ELMO1: variants seen among roughly 807,000 people sequenced by gnomAD.
ELMO1 encodes engulfment and cell motility protein 1.
A neutral mutation model predicts 98.9 loss-of-function variants in ELMO1; 26 were observed. The observed-to-expected ratio is 0.26, with a 90% CI of 0.19 to 0.36. The LOEUF (loss-of-function observed/expected upper bound fraction) is 0.36, where lower values mean the gene tolerates loss of function less well. Ranked by LOEUF, ELMO1 falls within the 10% of genes least tolerant of loss-of-function variation. The pLI is 1.00. For synonymous variants in ELMO1, 346 were observed against 346.0 expected, an observed-to-expected ratio of 1.00 and a Z score of 0.00; for missense variants, 627 against 935.2, an observed-to-expected ratio of 0.67 and a Z score of 4.30.
chr7:37,398,214 C>T (rs1803377314), intron 1 of ELMO1, among the ~76,000 whole-genome samples: 2 of 152,246 alleles, frequency 1.3e-5, no homozygotes, highest in South Asian at 2.1e-4. Context: ...TTCATTATGA[C>T]TGTTGTGAGA....
At chr7:37,185,497 G>A (rs1359068433) in intron 13 of ELMO1, among the ~76,000 whole-genome samples, 1 of 152,048 alleles carries the variant, frequency 6.6e-6, no homozygotes, top group Non-Finnish European at 1.5e-5. Flanking sequence ...TAGTGGGCAT[G>A]GTAAACCCAC....
chr7:37,413,371 T>G (rs1018682550), intron 1 of ELMO1, among the ~76,000 whole-genome samples: 6 of 152,188 alleles, frequency 3.9e-5, no homozygotes, highest in African/African-American at 1.4e-4. Context: ...CTGACCAGAC[T>G]GAAAGACCAG....
chr7:37,441,955 G>A (rs1805431436), intron 1 of ELMO1, among the ~76,000 whole-genome samples: 1 of 152,176 alleles, frequency 6.6e-6, no homozygotes, highest in South Asian at 2.1e-4. Flanking sequence ...GAAAACTGGG[G>A]CACTTATAAC....
intron 1 of ELMO1, among the ~76,000 whole-genome samples, chr7:37,436,966 A>G (rs920561636): frequency 6.6e-6 from 1 of 152,242 alleles, no homozygotes; most frequent in African/African-American, 2.4e-5. Flanking sequence ...CTCAGATTAA[A>G]GAAGAAAATT....
chr7:37,248,361 T>C (rs1795136396), intron 6 of ELMO1, among the ~76,000 whole-genome samples: 1 of 152,114 alleles, frequency 6.6e-6, no homozygotes, highest in African/African-American at 2.4e-5. Context: ...AATCTCTTCT[T>C]CAAATGGGCT....
chr7:37,017,517 A>T (rs928633415), intron 15 of ELMO1, among the ~76,000 whole-genome samples: 14 of 152,198 alleles, frequency 9.2e-5, no homozygotes, highest in African/African-American at 3.4e-4. Context: ...ACTGCTGGGC[A>T]CTGTTCCCAG....
rs950346195 is a variant in ELMO1 at position 37,229,318 on chromosome 7, T to C, written c.549+3777A>G. Among the ~76,000 whole-genome samples the C allele has an allele frequency of 1.8e-4, 28 of 152,268 alleles. 1 individual carries two copies. The highest frequency in any genetic ancestry group is 3.4e-4 in the Non-Finnish European group (23 of 68,014). ...CTTTTCTTTCTACTCCATATTTTCT[T>C]ACTCTCTCCCTAAGTAGCCGAGTCT... On this transcript the variant is annotated intron_variant, in intron 8 of 21. Transcript: ENST00000310758.
In ELMO1 at chr7:37,209,234, C is replaced by T. The variant is rs567690751; in HGVS notation, c.1086+2152G>A. Among the ~76,000 whole-genome samples, 12 of 152,256 alleles carry T rather than the reference C, an allele frequency of 7.9e-5. No individual in the cohort carries two copies. In the East Asian group the frequency reaches 1.9e-3, roughly 25 times the overall value. Reference sequence around the variant, plus strand: ...AAGGAGATGCTTCATAGCACACACCCCCATTACAGATAGCTCTCACAGGGA... The same window carrying T: ...AAGGAGATGCTTCATAGCACACACCTCCATTACAGATAGCTCTCACAGGGA... On this transcript the variant is annotated intron_variant, in intron 13 of 21. Coordinates refer to ENST00000310758, the MANE Select transcript of ELMO1 (RefSeq NM_014800.11).
At chr7:37,351,543 A>G (rs1420498237) in intron 1 of ELMO1, among the ~76,000 whole-genome samples, 2 of 152,246 alleles carry the variant, frequency 1.3e-5, no homozygotes, top group African/African-American at 4.8e-5. Context: ...TCAAAAGGGA[A>G]CAAGGACAGA....
At chr7:37,282,568 C>T (rs533022958) in intron 4 of ELMO1, among the ~76,000 whole-genome samples, 2 of 152,196 alleles carry the variant, frequency 1.3e-5, no homozygotes, top group African/African-American at 2.4e-5. Flanking sequence ...ACGGATCGAC[C>T]GTTAAGGAAG....
chr7:37,432,295 G>C (rs1223781907), intron 1 of ELMO1, among the ~76,000 whole-genome samples: 1 of 152,230 alleles, frequency 6.6e-6, no homozygotes, highest in Non-Finnish European at 1.5e-5. Context: ...GGTATGCTCA[G>C]CAACTGCCAA....
chr7:37,148,322 A>G (rs1365203701), intron 13 of ELMO1, among the ~76,000 whole-genome samples: 8 of 152,352 alleles, frequency 5.3e-5, no homozygotes, highest in African/African-American at 1.9e-4. Flanking sequence ...TACACAGGAA[A>G]ACACAATGAA....
At chr7:37,098,079 C>T (rs188567469) in intron 14 of ELMO1, among the ~76,000 whole-genome samples, 38 of 152,300 alleles carry the variant, frequency 2.5e-4, no homozygotes, top group Admixed American at 1.8e-3. Context: ...AAACTCATCC[C>T]CAGTAAGAGT....
chr7:37,256,585 A>AGGGAGGGAAAAGGGGAGGGAAAAGGGGAG (rs1795665774), intron 6 of ELMO1, among the ~76,000 whole-genome samples: 1 of 90,372 alleles, frequency 1.1e-5, no homozygotes, highest in Admixed American at 1.5e-4. Flanking sequence ...GAAAGGAGGG[A>AGGGAGGGAAAAGGGGAGGGAAAAGGGGAG]GGGAGGGAAA....
intron 15 of ELMO1, among the ~76,000 whole-genome samples, chr7:37,073,217 G>A (rs1036632585): frequency 2.6e-5 from 4 of 152,122 alleles, no homozygotes; most frequent in African/African-American, 9.7e-5. Context: ...ATGCTATCTA[G>A]TCATTAAAGA....
chr7:37,075,122 T>C (rs1251435161), intron 15 of ELMO1, among the ~76,000 whole-genome samples: 1 of 152,032 alleles, frequency 6.6e-6, no homozygotes, highest in East Asian at 1.9e-4. Flanking sequence ...TTTACGTAGA[T>C]AGTAGTTGAT....
chr7:37,272,680 G>GAAAAAAAAAA (rs35128089), intron 4 of ELMO1, among the ~76,000 whole-genome samples: 26 of 112,696 alleles, frequency 2.3e-4, no homozygotes, highest in Admixed American at 1.4e-3. Flanking sequence ...CGTCTTAAAG[G>GAAAAAAAAAA]AAAAAAAAAA....
At chr7:37,412,845 AC>A (rs1804050085) in intron 1 of ELMO1, among the ~76,000 whole-genome samples, 1 of 152,178 alleles carries the variant, frequency 6.6e-6, no homozygotes, top group South Asian at 2.1e-4. Context: ...GCCCTAAGAG[AC>A]ATCCACAGCC....
intron 17 of ELMO1, among the ~76,000 whole-genome samples, chr7:36,890,747 C>T (rs565442516): frequency 5.6e-4 from 85 of 152,334 alleles, no homozygotes; most frequent in Non-Finnish European, 1.1e-3. Context: ...ATTTCCAATA[C>T]AGCATCAGAG....
Sources: allele counts gnomAD v4.1 joint callset (sites outside exome capture counted in the v4.1 genomes callset), GRCh38; gene constraint gnomAD v4.1.1; transcripts MANE v1.5; gene names NCBI Gene and HGNC (gene_info 2026-07-23, HGNC 2026-07-21).